The following CDK17 variants were observed in gnomAD, a reference collection of about 807,000 sequenced individuals.
CDK17 encodes the protein cyclin dependent kinase 17, also known as cyclin-dependent kinase 17.
A neutral mutation model predicts 77.6 loss-of-function variants in CDK17; 24 were observed. The observed-to-expected ratio is 0.31, with a 90% confidence interval of 0.22 to 0.44. The LOEUF is 0.44. Ranked by LOEUF, CDK17 falls within the 20% of genes least tolerant of loss-of-function variation. CDK17 has a pLI of 1.00. For missense variants in CDK17, 429 were observed against 622.5 expected, an observed-to-expected ratio of 0.69 and a Z score of 3.31; for synonymous variants, 203 against 210.4, an observed-to-expected ratio of 0.96 and a Z score of 0.30.
intron 15 of CDK17, 40 bp from the exon 16 acceptor site, chr12:96,280,925 C>T (rs766912165): frequency 3.3e-6 from 5 of 1,509,876 alleles, no homozygotes; most frequent in African/African-American, 2.8e-5. Context: ...GAAGGTCTAA[C>T]ATTAAAACAA....
At chr12:96,366,782 G>A (rs1317594242) in intron 1 of CDK17, among the ~76,000 whole-genome samples, 2 of 152,138 alleles carry the variant, frequency 1.3e-5, no homozygotes, top group African/African-American at 2.4e-5. Flanking sequence ...CAATTATCAG[G>A]AAGGTACACA....
At chr12:96,334,269 T>C (rs938245760) in intron 2 of CDK17, among the ~76,000 whole-genome samples, 1 of 152,254 alleles carries the variant, frequency 6.6e-6, no homozygotes, top group Admixed American at 6.5e-5. Flanking sequence ...ATCTGGATAC[T>C]ACTACTTTAT....
chr12:96,348,539 A>C (rs533466091), intron 1 of CDK17, among the ~76,000 whole-genome samples: 78 of 151,202 alleles, frequency 5.2e-4, no homozygotes, highest in Middle Eastern at 3.4e-3. Flanking sequence ...AAAAAAAAAA[A>C]AAACAAAAAA....
At chr12:96,354,790 A>G (rs566699800) in intron 1 of CDK17, among the ~76,000 whole-genome samples, 1 of 152,238 alleles carries the variant, frequency 6.6e-6, no homozygotes, top group South Asian at 2.1e-4. Flanking sequence ...AGGCTGAGAC[A>G]GGAGGATTAC....
chr12:96,287,863 TACA>T (rs1952266861), intron 11 of CDK17, among the ~76,000 whole-genome samples: 1 of 152,262 alleles, frequency 6.6e-6, no homozygotes, highest in Admixed American at 6.5e-5. Context: ...TGGCATACAC[TACA>T]ACGTGAATGA....
chr12:96,364,454 A>G (rs1379514558), intron 1 of CDK17, among the ~76,000 whole-genome samples: 3 of 152,162 alleles, frequency 2.0e-5, no homozygotes, highest in African/African-American at 7.2e-5. Flanking sequence ...ACAGTATATC[A>G]CCATAATTCT....
intron 2 of CDK17, among the ~76,000 whole-genome samples, chr12:96,330,362 T>G (rs1369710567): frequency 6.6e-6 from 1 of 152,120 alleles, no homozygotes; most frequent in South Asian, 2.1e-4. Flanking sequence ...ATGAACTGAA[T>G]TTTTTATTGA....
At chr12:96,398,767 A>G (rs796458661) in intron 1 of CDK17, among the ~76,000 whole-genome samples, 9 of 152,312 alleles carry the variant, frequency 5.9e-5, no homozygotes, top group African/African-American at 1.7e-4. Flanking sequence ...AAGTCTCAAA[A>G]CAAAATTTGC....
intron 1 of CDK17, among the ~76,000 whole-genome samples, chr12:96,361,632 A>G (rs554473428): frequency 6.6e-6 from 1 of 152,350 alleles, no homozygotes; most frequent in African/African-American, 2.4e-5. Context: ...AAATTAAATA[A>G]TCAATACCAA....
At position 96,326,015 on chromosome 12, in the gene CDK17, C is replaced by A. The variant is rs573344365; in HGVS notation, c.119-1903G>T. On this transcript the variant is annotated intron_variant, in intron 2 of 16. Coordinates refer to ENST00000261211, the MANE Select transcript of CDK17 (RefSeq NM_002595.5). ...TTCCAGCCTGGGTGGCAAAGTAATA[C>A]CCTGTCTCAAGAAAGAGAAAAGAAA... 1.2e-4 allele frequency among the ~76,000 whole-genome samples: 18 copies of A among 152,164 alleles called. No individual in the cohort carries two copies. The South Asian group carries it at 1.7e-3, about 14-fold the overall frequency.
intron 1 of CDK17, among the ~76,000 whole-genome samples, chr12:96,351,317 CCA>C (rs1491325153): frequency 9.6e-5 from 4 of 41,634 alleles, no homozygotes; most frequent in African/African-American, 3.3e-4. Context: ...TAGGGATATA[CCA>C]AAAAAAAAAA....
chr12:96,286,026 A>C lies in CDK17; in HGVS notation c.1322+17T>G. ...AATCATGTGTTTTCCCCCCTTTCAC[A>C]TAAGAAAAAAAAATACCTGGGTGCG... On this transcript the variant is annotated intron_variant, in intron 13 of 16. Coordinates refer to ENST00000261211, the MANE Select transcript of CDK17 (RefSeq NM_002595.5). 7.6e-7 allele frequency: 1 copy of C among 1,310,336 alleles called. No individual in the cohort carries two copies. The highest frequency in any genetic ancestry group is 1.1e-6 in the Non-Finnish European group (1 of 912,690). 81.2% of individuals were successfully genotyped at this position (1,310,336 alleles called of 1,614,324 possible).
intron 1 of CDK17, among the ~76,000 whole-genome samples, chr12:96,345,569 T>G (rs769581343): frequency 2.6e-5 from 4 of 152,232 alleles, no homozygotes; most frequent in Admixed American, 2.6e-4. Flanking sequence ...GCATTTATCT[T>G]AAAAGGTAAA....
chr12:96,385,675 C>T (rs527373014), intron 1 of CDK17, among the ~76,000 whole-genome samples: 66 of 151,896 alleles, frequency 4.3e-4, no homozygotes, highest in Non-Finnish European at 7.5e-4. Context: ...AAATACAAAA[C>T]ATATTGGAGA....
chr12:96,371,669 CTG>C (rs1438894923), intron 1 of CDK17, among the ~76,000 whole-genome samples: 1 of 152,060 alleles, frequency 6.6e-6, no homozygotes, highest in Admixed American at 6.5e-5. Context: ...GGGGCGGAGA[CTG>C]TGGTGAGCCG....
At chr12:96,290,111 C>T (rs1332143400) in intron 10 of CDK17, among the ~76,000 whole-genome samples, 1 of 152,088 alleles carries the variant, frequency 6.6e-6, no homozygotes, top group Admixed American at 6.6e-5. Flanking sequence ...CATCCTGGGC[C>T]ATATATGGCC....
chr12:96,380,782 C>T (rs1247823242), intron 1 of CDK17, among the ~76,000 whole-genome samples: 1 of 152,148 alleles, frequency 6.6e-6, no homozygotes, highest in Non-Finnish European at 1.5e-5. Context: ...GGAATATCTC[C>T]CTCTTTGACC....
At chr12:96,399,308 C>T (rs1954220488) in intron 1 of CDK17, 1 of 152,584 alleles carries the variant, frequency 6.6e-6, no homozygotes, top group South Asian at 2.1e-4. Flanking sequence ...ATTTTCCCCT[C>T]CCCATCGGTT....
At chr12:96,280,930 A>C (rs999094059) in intron 15 of CDK17, 45 bp from the exon 16 acceptor site, 1 of 1,440,920 alleles carries the variant, frequency 6.9e-7, no homozygotes, top group Non-Finnish European at 9.7e-7. Flanking sequence ...TCTAACATTA[A>C]AACAAACACA....
Sources: gnomAD v4.1 joint callset for allele counts (sites outside exome capture counted in the v4.1 genomes callset) on GRCh38, gnomAD v4.1.1 for gene constraint, MANE v1.5 for transcripts, NCBI Gene and HGNC (gene_info 2026-07-23, HGNC 2026-07-21) for gene names.